The following EYS variants were observed in gnomAD, a reference collection of about 807,000 sequenced individuals.
EYS encodes protein eyes shut homolog.
Under a neutral mutation model 282.1 loss-of-function variants are expected in EYS, and 250 were observed. The ratio of observed to expected loss-of-function variants is 0.89; its 90% confidence interval spans 0.80 to 0.98. EYS has a LOEUF of 0.98. Ranked by LOEUF, EYS falls within the 50% of genes least tolerant of loss-of-function variation. The pLI, the probability that EYS is intolerant of heterozygous loss-of-function variation, is 0.00. For missense variants in EYS, 4,016 were observed against 3,709.0 expected (o/e 1.08, Z -2.15); for synonymous variants, 1,355 against 1,282.9 (o/e 1.06, Z -1.20).
intron 13 of EYS, among the ~76,000 whole-genome samples, chr6:65,025,327 T>G (rs1011578482): frequency 1.3e-5 from 2 of 152,070 alleles, no homozygotes; most frequent in Non-Finnish European, 2.9e-5. Flanking sequence ...TACAGCAAAA[T>G]GCACATATCA....
At chr6:63,848,082 G>A (rs1772146052) in intron 36 of EYS, among the ~76,000 whole-genome samples, 1 of 152,052 alleles carries the variant, frequency 6.6e-6, no homozygotes, top group African/African-American at 2.4e-5. Flanking sequence ...AGGCTGAAAT[G>A]ACCTTATTTT....
intron 26 of EYS, among the ~76,000 whole-genome samples, chr6:64,508,437 A>AC (rs1353442543): frequency 2.0e-5 from 3 of 151,910 alleles, no homozygotes; most frequent in Non-Finnish European, 2.9e-5. Flanking sequence ...TGTTTCTCCA[A>AC]CCTTAAAATG....
chr6:65,571,616 G>A (rs149797197), intron 2 of EYS, among the ~76,000 whole-genome samples: 3 of 151,914 alleles, frequency 2.0e-5, no homozygotes, highest in South Asian at 2.1e-4. Flanking sequence ...CCATAGTCCC[G>A]GGTAACATAT....
chr6:65,237,156 T>G (rs557092239), intron 12 of EYS, among the ~76,000 whole-genome samples: 9 of 152,288 alleles, frequency 5.9e-5, no homozygotes, highest in East Asian at 1.9e-4. Context: ...AGTAAGCATA[T>G]GCCTTTACGC....
chr6:63,936,168 C>A (rs1581997131), intron 35 of EYS, among the ~76,000 whole-genome samples: 1 of 152,318 alleles, frequency 6.6e-6, no homozygotes, highest in East Asian at 1.9e-4. Context: ...ACATTATTCA[C>A]CATAGCCCTT....
In EYS at chr6:64,587,931, G is replaced by T. The variant is rs183909947; in HGVS notation, c.5644+2292C>A. On this transcript the variant is annotated intron_variant, in intron 26 of 42. Transcript: ENST00000503581. ...GTGTAAAAGTAATTTCATGGATAAG[G>T]AATAAGCTTTTAAACACAAGGCTCT... Among the ~76,000 whole-genome samples the T allele has an allele frequency of 5.1e-4, 77 of 152,040 alleles. 1 individual carries two copies. Among genetic ancestry groups the T allele is most frequent in the African/African-American group, 1.7e-3 (71 of 41,532 alleles).
intron 22 of EYS, among the ~76,000 whole-genome samples, chr6:64,756,679 C>T (rs1772946650): frequency 6.6e-6 from 1 of 152,148 alleles, no homozygotes; most frequent in South Asian, 2.1e-4. Context: ...TGTAAAACCA[C>T]TACAGAGTGT....
intron 12 of EYS, among the ~76,000 whole-genome samples, chr6:65,114,096 T>C (rs989184746): frequency 2.0e-5 from 3 of 151,930 alleles, no homozygotes; most frequent in South Asian, 4.1e-4. Context: ...CTAATGAATA[T>C]ATTTAATACA....
At chr6:65,262,492 C>T (rs1767647055) in intron 12 of EYS, among the ~76,000 whole-genome samples, 1 of 152,044 alleles carries the variant, frequency 6.6e-6, no homozygotes, top group South Asian at 2.1e-4. Flanking sequence ...AGCTAGAATG[C>T]ATGAGATGTA....
At chr6:64,814,043 C>T (rs1391682139) in intron 21 of EYS, among the ~76,000 whole-genome samples, 1 of 151,992 alleles carries the variant, frequency 6.6e-6, no homozygotes, top group African/African-American at 2.4e-5. Flanking sequence ...TTAGAACAAA[C>T]ATTTCACAAT....
intron 2 of EYS, among the ~76,000 whole-genome samples, chr6:65,578,607 T>A (rs1284914678): frequency 2.0e-5 from 3 of 151,522 alleles, no homozygotes; most frequent in Non-Finnish European, 2.9e-5. Context: ...TTCTCAGTAT[T>A]AAAAAAAATG....
chr6:64,682,027 A>G (rs970792033), intron 22 of EYS, among the ~76,000 whole-genome samples: 4 of 152,220 alleles, frequency 2.6e-5, no homozygotes, highest in Non-Finnish European at 5.9e-5. Context: ...CTCTCTGGGC[A>G]CAGAGGAGAA....
intron 35 of EYS, among the ~76,000 whole-genome samples, chr6:63,943,503 A>C (rs1765303161): frequency 6.6e-6 from 1 of 152,232 alleles, no homozygotes; most frequent in Admixed American, 6.5e-5. Context: ...GTATAAACCT[A>C]AACATTACAA....
At chr6:63,722,793 C>T (rs1768456208) in intron 42 of EYS, among the ~76,000 whole-genome samples, 1 of 152,186 alleles carries the variant, frequency 6.6e-6, no homozygotes, top group Non-Finnish European at 1.5e-5. Context: ...TCCTTCTATT[C>T]TCCATTGTGG....
In EYS at chr6:64,626,480, A is replaced by C. The variant is rs575184557; in HGVS notation, c.3444-235T>G. Among the ~76,000 whole-genome samples, 41 of 152,290 alleles carry C rather than the reference A, an allele frequency of 2.7e-4. 1 individual carries two copies. The South Asian group carries it at 8.1e-3, about 30-fold the overall frequency. On this transcript the variant is annotated intron_variant, in intron 22 of 42. Transcript: ENST00000503581. ...TTGGAAATAGAGTCTCTGCAGATTT[A>C]ATTAAGTATCTTGAGATGAGGTCAT...
intron 5 of EYS, among the ~76,000 whole-genome samples, chr6:65,480,049 C>T (rs967811869): frequency 2.6e-5 from 4 of 151,782 alleles, no homozygotes; most frequent in Non-Finnish European, 4.4e-5. Context: ...CCTGTAGTCC[C>T]AGCTACTTGG....
intron 22 of EYS, among the ~76,000 whole-genome samples, chr6:64,803,519 C>G (rs1240194354): frequency 6.6e-6 from 1 of 152,186 alleles, no homozygotes; most frequent in Non-Finnish European, 1.5e-5. Context: ...ATGCTTCACG[C>G]CTTCCCTGGC....
intron 30 of EYS, among the ~76,000 whole-genome samples, chr6:64,254,120 C>T (rs186388364): frequency 1.1e-3 from 161 of 152,150 alleles, no homozygotes; most frequent in African/African-American, 3.7e-3. Context: ...CTTAATTAAA[C>T]AATTATTTGG....
intron 31 of EYS, among the ~76,000 whole-genome samples, chr6:64,107,119 T>A (rs1330127403): frequency 6.6e-6 from 1 of 150,832 alleles, no homozygotes; most frequent in Admixed American, 6.6e-5. Flanking sequence ...TTAATCATAG[T>A]TTTTTAAAAT....
Sources: gnomAD v4.1 joint callset for allele counts (sites outside exome capture counted in the v4.1 genomes callset) on GRCh38, gnomAD v4.1.1 for gene constraint, MANE v1.5 for transcripts, NCBI Gene and HGNC (gene_info 2026-07-23, HGNC 2026-07-21) for gene names.